GMDS: variants seen among roughly 807,000 people sequenced by gnomAD.
GMDS encodes the protein GDP-mannose 4,6 dehydratase.
Under a neutral mutation model 49.9 loss-of-function variants are expected in GMDS, and 20 were observed. That is an observed-to-expected ratio of 0.40 (90% CI 0.28 to 0.58). GMDS has a LOEUF of 0.58. Among genes scored for constraint, GMDS ranks in the 20% least tolerant of loss-of-function variants. The pLI is 0.42. For missense variants in GMDS, 362 were observed against 481.4 expected, an observed-to-expected ratio of 0.75 and a Z score of 2.32; for synonymous variants, 177 against 178.6, an observed-to-expected ratio of 0.99 and a Z score of 0.07.
Position 2,005,592 on chromosome 6 carries a change from C to CT in GMDS, c.346-44627dup, listed in dbSNP as rs535663539. Among the ~76,000 whole-genome samples the CT allele has an allele frequency of 4.1e-3, 630 of 152,348 alleles. 2 individuals carry two copies. The highest frequency in any genetic ancestry group is 6.6e-3 in the Admixed American group (101 of 15,304). On this transcript the variant is annotated intron_variant, in intron 4 of 10. Transcript: ENST00000380815. ...CCCATAGTCTGTCACTCGACTCACT[C>CT]TATCAGGACCAATATCTTACCTTCT...
chr6:1,741,094 T>C (rs1443541492), intron 8 of GMDS, among the ~76,000 whole-genome samples: 2 of 152,222 alleles, frequency 1.3e-5, no homozygotes, highest in Non-Finnish European at 2.9e-5. Flanking sequence ...GGGTACATTT[T>C]GATATTTTGA....
chr6:2,212,707 TAAAAAAAAAA>T lies in GMDS; in HGVS notation c.102+32604_102+32613del, dbSNP rs35503764. Reference sequence around the variant, plus strand: ...CTTATACCAAAATTAGATTAACTTGTAAAAAAAAAAAAAAAAAAAAAACTAAATTAGAAAC... The same window carrying T: ...CTTATACCAAAATTAGATTAACTTGTAAAAAAAAAAAACTAAATTAGAAAC... On this transcript the variant is annotated intron_variant, in intron 1 of 10. Transcript: ENST00000380815. Among the ~76,000 whole-genome samples, 13 of 113,586 alleles carry T rather than the reference TAAAAAAAAAA, an allele frequency of 1.1e-4. No individual in the cohort carries two copies. In the East Asian group the frequency reaches 2.9e-3, roughly 25 times the overall value. The allele number at this position is 113,586 out of a possible 152,430, so 74.5% of individuals were successfully genotyped here.
intron 7 of GMDS, among the ~76,000 whole-genome samples, chr6:1,744,759 G>A (rs973120710): frequency 4.6e-5 from 7 of 152,214 alleles, no homozygotes; most frequent in Non-Finnish European, 7.3e-5. Flanking sequence ...TGAAATTCCC[G>A]CGGCCTGGAA....
intron 9 of GMDS, among the ~76,000 whole-genome samples, chr6:1,703,652 C>CCTGCCCCACAGCTGCCAGGTGTA (rs1765621286): frequency 6.6e-6 from 1 of 152,230 alleles, no homozygotes; most frequent in South Asian, 2.1e-4. Context: ...GCCGAGGTGT[C>CCTGCCCCACAGCTGCCAGGTGTA]CTGCCCCACA....
intron 7 of GMDS, among the ~76,000 whole-genome samples, chr6:1,896,166 G>A (rs927074823): frequency 1.3e-5 from 2 of 152,168 alleles, no homozygotes; most frequent in African/African-American, 2.4e-5. Flanking sequence ...TGGCCTTTTA[G>A]CTTGGACCAT....
At position 2,035,478 on chromosome 6, in the gene GMDS, C is replaced by T. The variant is rs560684684; in HGVS notation, c.346-74512G>A. 9.9e-5 allele frequency among the ~76,000 whole-genome samples: 15 copies of T among 152,236 alleles called. No homozygotes were observed. The East Asian group carries it at 2.9e-3, about 29-fold the overall frequency. On this transcript the variant is annotated intron_variant, in intron 4 of 10. Transcript: ENST00000380815. ...CCCACATCTTGTGTCTCAAATGGCA[C>T]TTACTTTCTATTTGGCATTTGACCT...
intron 9 of GMDS, among the ~76,000 whole-genome samples, chr6:1,671,779 C>T (rs984460722): frequency 6.6e-6 from 1 of 151,550 alleles, no homozygotes; most frequent in African/African-American, 2.4e-5. Flanking sequence ...ATTCTCCTGC[C>T]TCAGCCTCCC....
chr6:1,681,382 G>A (rs891952373), intron 9 of GMDS, among the ~76,000 whole-genome samples: 1 of 152,320 alleles, frequency 6.6e-6, no homozygotes, highest in South Asian at 2.1e-4. Flanking sequence ...AATCTGCTGT[G>A]TTCTAGCATC....
intron 7 of GMDS, among the ~76,000 whole-genome samples, chr6:1,912,960 G>A (rs999040974): frequency 6.6e-6 from 1 of 152,126 alleles, no homozygotes; most frequent in Admixed American, 6.5e-5. Flanking sequence ...CCTTACCTCT[G>A]CCACACAAAC....
intron 1 of GMDS, among the ~76,000 whole-genome samples, chr6:2,177,417 C>T (rs936861790): frequency 6.6e-6 from 1 of 152,144 alleles, no homozygotes; most frequent in Non-Finnish European, 1.5e-5. Flanking sequence ...AGGCCAATAT[C>T]CCTGATAAAC....
chr6:1,687,212 C>T (rs539163046), intron 9 of GMDS, among the ~76,000 whole-genome samples: 6 of 152,278 alleles, frequency 3.9e-5, no homozygotes, highest in South Asian at 4.1e-4. Context: ...ATAACAGAAA[C>T]GAAAGAGCTC....
At chr6:1,729,243 C>A (rs1003135535) in intron 8 of GMDS, among the ~76,000 whole-genome samples, 1 of 152,156 alleles carries the variant, frequency 6.6e-6, no homozygotes, top group Non-Finnish European at 1.5e-5. Context: ...AGAAACACTC[C>A]CTCTCTGAGG....
chr6:2,062,557 G>A (rs1771248368), intron 4 of GMDS, among the ~76,000 whole-genome samples: 1 of 152,024 alleles, frequency 6.6e-6, no homozygotes, highest in African/African-American at 2.4e-5. Context: ...ATGCCATAAT[G>A]TATATATACA....
At position 1,766,700 on chromosome 6, in the gene GMDS, C is replaced by T. The variant is rs548690240; in HGVS notation, c.772-24114G>A. On this transcript the variant is annotated intron_variant, in intron 7 of 10. Coordinates refer to ENST00000380815, the MANE Select transcript of GMDS (RefSeq NM_001500.4). The surrounding 1 kb of genome is among the most constrained non-coding windows in gnomAD (Gnocchi z 4.5). Reference sequence around the variant, plus strand: ...CCCGTTTCCCACAGACGGTTCCCACCTGGGGATGTTGAACCAGTCTCACCA... The same window carrying T: ...CCCGTTTCCCACAGACGGTTCCCACTTGGGGATGTTGAACCAGTCTCACCA... Among the ~76,000 whole-genome samples, 1 of 152,154 alleles carries T rather than the reference C, an allele frequency of 6.6e-6. No homozygotes were observed. The highest frequency in any genetic ancestry group is 2.4e-5 in the African/African-American group (1 of 41,426).
At chr6:1,688,760 A>G (rs1334721560) in intron 9 of GMDS, among the ~76,000 whole-genome samples, 2 of 152,226 alleles carry the variant, frequency 1.3e-5, no homozygotes, top group East Asian at 3.9e-4. Flanking sequence ...TAGCCAGCTA[A>G]CACTTGTGAG....
At chr6:2,209,606 T>TTCTC (rs143707347) in intron 1 of GMDS, among the ~76,000 whole-genome samples, 4 of 121,010 alleles carry the variant, frequency 3.3e-5, no homozygotes, top group East Asian at 2.4e-4. Context: ...CACACACACG[T>TTCTC]TCTCTCTCTC....
chr6:1,676,862 A>G (rs1764641092), intron 9 of GMDS, among the ~76,000 whole-genome samples: 1 of 152,224 alleles, frequency 6.6e-6, no homozygotes, highest in South Asian at 2.1e-4. Flanking sequence ...CATTCAGGAC[A>G]TAGGCATGGG....
intron 4 of GMDS, among the ~76,000 whole-genome samples, chr6:2,046,864 C>G (rs28409342): frequency 0.024 from 3,656 of 152,206 alleles, 144 homozygotes; most frequent in African/African-American, 0.082. Flanking sequence ...ACACATTTTT[C>G]AAACTGTTGG....
chr6:2,085,863 C>A (rs1008676827), intron 4 of GMDS, among the ~76,000 whole-genome samples: 1 of 152,182 alleles, frequency 6.6e-6, no homozygotes, highest in African/African-American at 2.4e-5. Flanking sequence ...GTCAGGCATA[C>A]CTGAACTCTC....
Sources: allele counts gnomAD v4.1 joint callset (sites outside exome capture counted in the v4.1 genomes callset), GRCh38; gene constraint gnomAD v4.1.1; non-coding constraint Gnocchi (gnomAD v3.1); transcripts MANE v1.5; gene names NCBI Gene and HGNC (gene_info 2026-07-23, HGNC 2026-07-21).